PRKCE: variants seen among roughly 807,000 people sequenced by gnomAD.
The protein encoded by PRKCE is protein kinase C epsilon type.
A neutral mutation model predicts 85.4 loss-of-function variants in PRKCE; 16 were observed. That is an observed-to-expected ratio of 0.19 (90% CI 0.13 to 0.28). PRKCE has a LOEUF of 0.28. Among genes scored for constraint, PRKCE ranks in the 10% least tolerant of loss-of-function variants. The pLI is 1.00. For synonymous variants in PRKCE, 388 were observed against 371.5 expected (o/e 1.04, Z -0.51); for missense variants, 573 against 975.2 (o/e 0.59, Z 5.49).
At chr2:45,853,973 C>T (rs975067655) in intron 2 of PRKCE, among the ~76,000 whole-genome samples, 1 of 152,212 alleles carries the variant, frequency 6.6e-6, no homozygotes, top group Non-Finnish European at 1.5e-5. Context: ...TTCCCACACA[C>T]GGGCCCATCC....
intron 1 of PRKCE, among the ~76,000 whole-genome samples, chr2:45,667,658 A>G (rs1307056396): frequency 1.3e-5 from 2 of 152,166 alleles, no homozygotes; most frequent in African/African-American, 4.8e-5. Flanking sequence ...CTTCAGCATT[A>G]TTGTTAAAAA....
chr2:46,173,966 G>A (rs1679170013), intron 14 of PRKCE, among the ~76,000 whole-genome samples: 2 of 152,202 alleles, frequency 1.3e-5, no homozygotes, highest in African/African-American at 4.8e-5. Context: ...GACTGGAGAT[G>A]GGAAATAGTT....
At chr2:46,075,947 A>G (rs566022694) in intron 10 of PRKCE, among the ~76,000 whole-genome samples, 38 of 152,334 alleles carry the variant, frequency 2.5e-4, no homozygotes, top group Middle Eastern at 6.8e-3. Flanking sequence ...AGAGGACAGT[A>G]GCCAGAAGCC....
chr2:45,704,014 A>G lies in PRKCE; in HGVS notation c.348+51566A>G, dbSNP rs1207051505. On this transcript the variant is annotated intron_variant, in intron 1 of 14. Coordinates refer to ENST00000306156, the MANE Select transcript of PRKCE (RefSeq NM_005400.3). ...TTATTTCTGACAACACTGTTATTTC[A>G]CCCATTCATCTATCCATTAACCAAA... is the stretch of plus-strand genomic sequence containing the variant. Among the ~76,000 whole-genome samples, 6 of 152,204 alleles carry G rather than the reference A, an allele frequency of 3.9e-5. No homozygotes were observed. The South Asian group carries it at 1.2e-3, about 32-fold the overall frequency.
chr2:45,925,010 T>C (rs2103975517), intron 2 of PRKCE, among the ~76,000 whole-genome samples: 1 of 152,278 alleles, frequency 6.6e-6, no homozygotes, highest in Admixed American at 6.5e-5. Context: ...TCTTAATAGG[T>C]TCAGTGAGGG....
chr2:45,912,094 T>C (rs1697422064), intron 2 of PRKCE, among the ~76,000 whole-genome samples: 2 of 152,150 alleles, frequency 1.3e-5, no homozygotes, highest in African/African-American at 4.8e-5. Context: ...GTTCTTCTAG[T>C]GTAGCAGTCA....
chr2:46,017,218 C>G (rs1359794166), intron 10 of PRKCE, among the ~76,000 whole-genome samples: 1 of 152,144 alleles, frequency 6.6e-6, no homozygotes, highest in African/African-American at 2.4e-5. Context: ...CCTTCCTATT[C>G]CCTCTCCCCA....
chr2:46,011,935 C>A (rs1705715276), intron 10 of PRKCE, among the ~76,000 whole-genome samples: 1 of 152,158 alleles, frequency 6.6e-6, no homozygotes, highest in African/African-American at 2.4e-5. Context: ...ACACATATTT[C>A]TTTGTCTACG....
chr2:45,749,721 A>G (rs1318458268), intron 1 of PRKCE, among the ~76,000 whole-genome samples: 1 of 152,266 alleles, frequency 6.6e-6, no homozygotes, highest in Non-Finnish European at 1.5e-5. Context: ...TGAATTCTCC[A>G]GAGTTTCACA....
chr2:45,739,519 A>C (rs1270470829), intron 1 of PRKCE, among the ~76,000 whole-genome samples: 1 of 152,224 alleles, frequency 6.6e-6, no homozygotes. Context: ...AGTCTCTTAA[A>C]ATTCTGTTTC....
intron 2 of PRKCE, among the ~76,000 whole-genome samples, chr2:45,899,949 T>C (rs1006900000): frequency 6.6e-6 from 1 of 152,218 alleles, no homozygotes; most frequent in Admixed American, 6.5e-5. Context: ...TAGCCCGGGC[T>C]CAACTATGAA....
chr2:45,730,698 T>C (rs1341736230), intron 1 of PRKCE, among the ~76,000 whole-genome samples: 3 of 151,862 alleles, frequency 2.0e-5, no homozygotes, highest in African/African-American at 7.3e-5. Flanking sequence ...GGCCTTAAGC[T>C]ATCTACCCGC....
chr2:45,897,107 G>A (rs1236841237), intron 2 of PRKCE, among the ~76,000 whole-genome samples: 2 of 152,066 alleles, frequency 1.3e-5, no homozygotes, highest in African/African-American at 4.8e-5. Flanking sequence ...ATTAATAACT[G>A]CATTGGTAGT....
intron 10 of PRKCE, among the ~76,000 whole-genome samples, chr2:46,059,968 C>G (rs1247508676): frequency 6.6e-6 from 1 of 152,192 alleles, no homozygotes; most frequent in Admixed American, 6.5e-5. Context: ...CTTCTTACTA[C>G]TAATTTGACA....
At chr2:46,134,462 T>C (rs1483619036) in intron 11 of PRKCE, among the ~76,000 whole-genome samples, 2 of 152,170 alleles carry the variant, frequency 1.3e-5, no homozygotes, top group East Asian at 1.9e-4. Flanking sequence ...GCTTCTGGGG[T>C]GCCATTGAAG....
At chr2:46,111,798 T>C (rs1183937157) in intron 11 of PRKCE, among the ~76,000 whole-genome samples, 1 of 152,236 alleles carries the variant, frequency 6.6e-6, no homozygotes, top group Non-Finnish European at 1.5e-5. Flanking sequence ...TTGAGAAGAC[T>C]GATGTCTTCG....
intron 1 of PRKCE, among the ~76,000 whole-genome samples, chr2:45,817,140 G>GACCTCTTTTGGGCA: frequency 6.6e-6 from 1 of 151,286 alleles, no homozygotes; most frequent in Non-Finnish European, 1.5e-5. Flanking sequence ...CAGGGGGAGC[G>GACCTCTTTTGGGCA]ACCTCTTTTG....
chr2:45,897,069 T>C (rs1696204468), intron 2 of PRKCE, among the ~76,000 whole-genome samples: 1 of 152,070 alleles, frequency 6.6e-6, no homozygotes, highest in Non-Finnish European at 1.5e-5. Flanking sequence ...CAGAACAAGA[T>C]CTTATCTCTT....
At chr2:45,916,646 C>A (rs563504482) in intron 2 of PRKCE, among the ~76,000 whole-genome samples, 52 of 152,246 alleles carry the variant, frequency 3.4e-4, no homozygotes, top group Non-Finnish European at 7.5e-4. Context: ...AATCGGGAAT[C>A]TTGGGTGTTC....
Sources: allele counts gnomAD v4.1 joint callset (sites outside exome capture counted in the v4.1 genomes callset), GRCh38; gene constraint gnomAD v4.1.1; transcripts MANE v1.5; gene names NCBI Gene and HGNC (gene_info 2026-07-23, HGNC 2026-07-21).